The following RTN4 variants were observed in gnomAD, a reference collection of about 807,000 sequenced individuals.
RTN4 encodes the protein reticulon 4.
In RTN4, 32 loss-of-function variants were observed where a neutral mutation model predicts 90.4. That is an observed-to-expected ratio of 0.35 (90% CI 0.27 to 0.48). The LOEUF (loss-of-function observed/expected upper bound fraction) is 0.48, where lower values mean the gene tolerates loss of function less well. Among genes scored for constraint, RTN4 ranks in the 20% least tolerant of loss-of-function variants. The probability of loss-of-function intolerance (pLI) is 0.99; values close to 1 mark genes in which losing one functional copy is unlikely to be tolerated. For missense variants in RTN4, 1,706 were observed against 1,430.2 expected, an observed-to-expected ratio of 1.19 and a Z score of -3.11; for synonymous variants, 629 against 552.5, an observed-to-expected ratio of 1.14 and a Z score of -1.94.
chr2:54,981,532 C>G (rs1216275765), intron 5 of RTN4, among the ~76,000 whole-genome samples: 3 of 152,162 alleles, frequency 2.0e-5, no homozygotes, highest in African/African-American at 7.2e-5. Context: ...CAGGAAAGAG[C>G]ATATACAACA....
intron 1 of RTN4, among the ~76,000 whole-genome samples, chr2:55,099,620 T>C (rs1235725023): frequency 6.6e-6 from 1 of 152,098 alleles, no homozygotes; most frequent in Non-Finnish European, 1.5e-5. Context: ...AGAGACTGAC[T>C]TTAAATTTTT....
intron 1 of RTN4, among the ~76,000 whole-genome samples, chr2:55,091,759 T>C (rs374315813): frequency 3.3e-5 from 5 of 152,326 alleles, no homozygotes; most frequent in East Asian, 1.9e-4. Flanking sequence ...AGAGGTTTAG[T>C]TGGACTTACA....
intron 1 of RTN4, among the ~76,000 whole-genome samples, chr2:55,081,190 C>T (rs1382550001): frequency 1.3e-5 from 2 of 152,174 alleles, no homozygotes; most frequent in African/African-American, 2.4e-5. Flanking sequence ...CCTCCTGCCT[C>T]AGCCTCTGAA....
At chr2:55,061,502 C>T (rs1668291293) in intron 2 of RTN4, among the ~76,000 whole-genome samples, 2 of 152,200 alleles carry the variant, frequency 1.3e-5, no homozygotes, top group African/African-American at 2.4e-5. Context: ...AAACCAGGAT[C>T]CAACTGAGGA....
intron 3 of RTN4, among the ~76,000 whole-genome samples, chr2:55,011,029 ATTTTATT>A (rs1308766460): frequency 6.6e-6 from 1 of 152,004 alleles, no homozygotes; most frequent in Non-Finnish European, 1.5e-5. Flanking sequence ...CTATAATTTT[ATTTTATT>A]TTTTATTTTT....
chr2:54,988,440 C>T (rs999003615), intron 3 of RTN4, among the ~76,000 whole-genome samples: 1 of 151,958 alleles, frequency 6.6e-6, no homozygotes, highest in Non-Finnish European at 1.5e-5. Flanking sequence ...TTCAGTGATA[C>T]CAAAATATAT....
At chr2:55,011,359 T>C (rs1284186719) in intron 3 of RTN4, among the ~76,000 whole-genome samples, 3 of 152,152 alleles carry the variant, frequency 2.0e-5, no homozygotes, top group Non-Finnish European at 4.4e-5. Context: ...AAAACAAATC[T>C]ATGTACAGCA....
chr2:54,978,075 A>T (rs1273062467), intron 5 of RTN4, among the ~76,000 whole-genome samples: 3 of 152,218 alleles, frequency 2.0e-5, no homozygotes, highest in African/African-American at 7.2e-5. Context: ...AAGGTTTCAC[A>T]TGCTAGCAAG....
chr2:55,073,915 A>G (rs2105020128), intron 2 of RTN4, among the ~76,000 whole-genome samples: 1 of 152,322 alleles, frequency 6.6e-6, no homozygotes, highest in African/African-American at 2.4e-5. Context: ...TATACCACCC[A>G]CAGCACCACC....
intron 3 of RTN4, among the ~76,000 whole-genome samples, chr2:55,016,586 AC>A (rs1480677375): frequency 1.3e-5 from 2 of 152,214 alleles, no homozygotes; most frequent in Non-Finnish European, 2.9e-5. Context: ...TATGTCTCAA[AC>A]AAAAACAAAA....
the RTN4 span, among the ~76,000 whole-genome samples, chr2:55,130,632 T>C: frequency 1.3e-5 from 2 of 152,268 alleles, no homozygotes; most frequent in Admixed American, 1.3e-4. Context: ...ATGCCTATAT[T>C]TTCAGCTACT....
chr2:54,985,789 T>C (rs12464595), intron 4 of RTN4, among the ~76,000 whole-genome samples: 67,728 of 151,984 alleles, frequency 0.45, 15,567 homozygotes, highest in African/African-American at 0.55. Context: ...ATCAACTGGA[T>C]CATGTTGTAG....
At chr2:54,973,918 G>A in intron 6 of RTN4, 51 bp from the exon 7 acceptor site, 1 of 1,493,466 alleles carries the variant, frequency 6.7e-7, no homozygotes. Context: ...GATTTGGGAG[G>A]AATAAACACT....
chr2:55,129,636 A>T, the RTN4 span, among the ~76,000 whole-genome samples: 1 of 152,012 alleles, frequency 6.6e-6, no homozygotes, highest in Admixed American at 6.5e-5. Flanking sequence ...ATCTCAGCTC[A>T]CTGCAACCTC....
intron 4 of RTN4, among the ~76,000 whole-genome samples, chr2:54,984,918 C>A (rs1167256925): frequency 6.6e-6 from 1 of 151,940 alleles, no homozygotes; most frequent in East Asian, 1.9e-4. Context: ...CTAGCCTGGG[C>A]GACACAGTGA....
In RTN4 at chr2:54,985,575, A is replaced by G. The variant is rs114470934; in HGVS notation, c.3221+1916T>C. Among the ~76,000 whole-genome samples the G allele has an allele frequency of 2.1e-3, 314 of 152,346 alleles. 2 individuals are homozygous for G. Among genetic ancestry groups the G allele is most frequent in the African/African-American group, 7.2e-3 (301 of 41,578 alleles). On this transcript the variant is annotated intron_variant, in intron 4 of 8. Coordinates refer to ENST00000337526, the MANE Select transcript of RTN4 (RefSeq NM_020532.5). ...ACAGAATTATCACAAATTTAAAATA[A>G]ACTTATTAAAATATGTACATAAAAG...
chr2:55,115,268 T>A (rs1191887866), upstream of RTN4, among the ~76,000 whole-genome samples: 1 of 152,158 alleles, frequency 6.6e-6, no homozygotes, highest in African/African-American at 2.4e-5. Context: ...TAGAGGACAA[T>A]CTGTTTCTAT....
intron 1 of RTN4, among the ~76,000 whole-genome samples, chr2:55,047,327 C>CAAA (rs71799240): frequency 9.1e-6 from 1 of 109,720 alleles, no homozygotes; most frequent in Non-Finnish European, 2.0e-5. Context: ...GAGACTATCT[C>CAAA]AAAAAAAAAA....
Position 55,026,143 on chromosome 2 carries a change from C to T in RTN4, c.1956G>A (p.Glu652=), listed in dbSNP as rs1341090379. The change falls in exon 3 of 9, where the codon GAG becomes GAA. Residue 652 remains glutamate (E), a synonymous_variant. Transcript: ENST00000337526. The part of the protein sequence containing the change: ...SSVNYESIKH[E]PENPPPYEEA... ...CTTCATATGGTGGGGGGTTTTCAGGCTCATGTTTTATGCTTTCATAATTAA... is the reference window on the plus strand; with the variant it reads ...CTTCATATGGTGGGGGGTTTTCAGGTTCATGTTTTATGCTTTCATAATTAA... 6.2e-7 allele frequency: 1 copy of T among 1,613,290 alleles called. No individual in the cohort carries two copies.
Sources: allele counts gnomAD v4.1 joint callset (sites outside exome capture counted in the v4.1 genomes callset), GRCh38; gene constraint gnomAD v4.1.1; transcripts MANE v1.5; gene names NCBI Gene and HGNC (gene_info 2026-07-23, HGNC 2026-07-21).